CDH22: variants seen among roughly 807,000 people sequenced by gnomAD.
The protein encoded by CDH22 is cadherin-22.
In CDH22, 30 loss-of-function variants were observed where a neutral mutation model predicts 58.4. That is an observed-to-expected ratio of 0.51 (90% CI 0.38 to 0.70). CDH22 has a LOEUF of 0.70. CDH22 is among the 30% of genes least tolerant of loss of function. The pLI is 0.00. For missense variants in CDH22, 1,014 were observed against 1,233.9 expected (o/e 0.82, Z 2.67); for synonymous variants, 513 against 558.2 (o/e 0.92, Z 1.14).
At chr20:46,198,130 T>C (rs1600692022) in intron 8 of CDH22, among the ~76,000 whole-genome samples, 1 of 152,070 alleles carries the variant, frequency 6.6e-6, no homozygotes, top group African/African-American at 2.4e-5. Flanking sequence ...AGTGGCAGTG[T>C]TGCTCTGGGC....
At chr20:46,278,766 G>T (rs1252439295) in intron 1 of CDH22, among the ~76,000 whole-genome samples, 2 of 152,000 alleles carry the variant, frequency 1.3e-5, no homozygotes, top group African/African-American at 4.8e-5. Context: ...AAATTTTGGG[G>T]GGATAGAGAT....
Position 46,174,626 on chromosome 20 carries a change from G to T in CDH22, c.2367C>A (p.His789Gln). The T allele has an allele frequency of 6.5e-7, 1 of 1,548,750 alleles. No individual in the cohort carries two copies. The highest frequency in any genetic ancestry group is 8.7e-7 in the Non-Finnish European group (1 of 1,152,336). Reference protein sequence around the residue: ...DSPAASLSSLHSGSSGSEQDF... With the variant: ...DSPAASLSSLQSGSSGSEQDF... ...CCTGCTCGGAGCCCGACGAGCCGCT[G>T]TGCAGGGAGCTGAGCGAGGCGGCCG... Residue 789 changes from histidine (H) to glutamine (Q), a missense_variant, in exon 12 of 12, where the codon CAC (histidine) becomes CAA (glutamine). Physicochemically the swap from His to Gln is conservative, Grantham distance 24. Around this residue, in one of 2 missense-constraint regions of CDH22, gnomAD observed 208 missense variants for 195.2 expected, o/e 1.07. Coordinates refer to ENST00000537909, the MANE Select transcript of CDH22 (RefSeq NM_021248.3). This position sits in a 1 kb window ranked among gnomAD's most constrained non-coding sequence, Gnocchi z 4.4.
chr20:46,191,635 G>A (rs2085862647), intron 8 of CDH22, among the ~76,000 whole-genome samples: 1 of 152,164 alleles, frequency 6.6e-6, no homozygotes, highest in Non-Finnish European at 1.5e-5. Context: ...TTACTGATGA[G>A]GAAACGGGCT....
intron 2 of CDH22, among the ~76,000 whole-genome samples, chr20:46,244,963 A>G (rs994745928): frequency 2.6e-5 from 4 of 152,232 alleles, no homozygotes; most frequent in Admixed American, 1.3e-4. Context: ...CAACCTGTGC[A>G]TGACCCTGGG....
chr20:46,192,963 T>C (rs1404017796), intron 8 of CDH22, among the ~76,000 whole-genome samples: 1 of 152,040 alleles, frequency 6.6e-6, no homozygotes, highest in Non-Finnish European at 1.5e-5. Context: ...CTCTGTCCCT[T>C]GAAGGGACTT....
At chr20:46,298,787 A>C (rs2086639255) in intron 1 of CDH22, among the ~76,000 whole-genome samples, 1 of 151,966 alleles carries the variant, frequency 6.6e-6, no homozygotes, top group South Asian at 2.1e-4. Flanking sequence ...AATTTGGTTA[A>C]TGGACCCCAG....
At chr20:46,180,926 T>TTGTGTGTGTGTGTGTGTG (rs11471209) in intron 10 of CDH22, among the ~76,000 whole-genome samples, 1 of 142,494 alleles carries the variant, frequency 7.0e-6, no homozygotes, top group African/African-American at 2.6e-5. Context: ...AAAGTTTGTT[T>TTGTGTGTGTGTGTGTGTG]TGTGTGTGTG....
At position 46,210,103 on chromosome 20, in the gene CDH22, T is replaced by G. The variant is rs1220505555; in HGVS notation, c.1286+204A>C. Reference sequence around the variant, plus strand: ...TGGCTCGCCTGCCTGTCTCATTGACTGTTCTCACATCTGCTTCCTTGGCTC... The same window carrying G: ...TGGCTCGCCTGCCTGTCTCATTGACGGTTCTCACATCTGCTTCCTTGGCTC... On this transcript the variant is annotated intron_variant, in intron 7 of 11. Coordinates refer to ENST00000537909, the MANE Select transcript of CDH22 (RefSeq NM_021248.3). The surrounding 1 kb of genome is among the most constrained non-coding windows in gnomAD (Gnocchi z 4.5). 2.1e-6 allele frequency: 1 copy of G among 474,760 alleles called. No homozygotes were observed. The highest frequency in any genetic ancestry group is 2.0e-5 in the African/African-American group (1 of 49,016). 29.4% of individuals were successfully genotyped at this position (474,760 alleles called of 1,614,324 possible).
intron 1 of CDH22, among the ~76,000 whole-genome samples, chr20:46,301,232 C>G (rs967368813): frequency 2.6e-5 from 4 of 151,272 alleles, no homozygotes; most frequent in Admixed American, 1.3e-4. Context: ...CACACACACA[C>G]AGAGAGAGAA....
At chr20:46,254,694 C>T (rs923036772) in intron 1 of CDH22, among the ~76,000 whole-genome samples, 42 of 151,418 alleles carry the variant, frequency 2.8e-4, no homozygotes, top group Admixed American at 2.2e-3. Flanking sequence ...TAAAGAAGGA[C>T]GAAGTGGAGG....
At chr20:46,202,836 T>G (rs1354274463) in intron 7 of CDH22, among the ~76,000 whole-genome samples, 2 of 152,148 alleles carry the variant, frequency 1.3e-5, no homozygotes, top group Non-Finnish European at 2.9e-5. Context: ...GGAGACCTCC[T>G]CCCATTCTAC....
At chr20:46,248,499 C>A (rs575396726) in intron 2 of CDH22, among the ~76,000 whole-genome samples, 11 of 152,304 alleles carry the variant, frequency 7.2e-5, no homozygotes, top group African/African-American at 2.4e-4. Flanking sequence ...GGGTTGACCT[C>A]TTCTCTTTCT....
chr20:46,193,283 T>A (rs2085874952), intron 8 of CDH22, among the ~76,000 whole-genome samples: 1 of 152,118 alleles, frequency 6.6e-6, no homozygotes, highest in Admixed American at 6.5e-5. Context: ...TGGGCCTGAT[T>A]TGCACACCTC....
At chr20:46,233,915 G>A (rs1251170408) in intron 3 of CDH22, among the ~76,000 whole-genome samples, 1 of 152,236 alleles carries the variant, frequency 6.6e-6, no homozygotes, top group East Asian at 1.9e-4. Context: ...TGTCTCTGCA[G>A]AGACCAGCGA....
intron 4 of CDH22, among the ~76,000 whole-genome samples, chr20:46,223,173 T>C (rs1396986303): frequency 1.3e-5 from 2 of 152,144 alleles, no homozygotes; most frequent in African/African-American, 4.8e-5. Flanking sequence ...TCTTGGGAAC[T>C]GTTCTGCTCC....
chr20:46,229,289 GC>G (rs34878778), intron 3 of CDH22, among the ~76,000 whole-genome samples: 44,849 of 138,146 alleles, frequency 0.32, 7,919 homozygotes, highest in African/African-American at 0.5. Context: ...ATGCAGAGTG[GC>G]CCCCCCCCCC....
intron 10 of CDH22, among the ~76,000 whole-genome samples, chr20:46,181,714 T>G (rs2085786107): frequency 8.2e-6 from 1 of 121,488 alleles, no homozygotes; most frequent in Admixed American, 8.7e-5. Flanking sequence ...TTTCTTTCTT[T>G]TTTTCCTTCC....
At chr20:46,178,586 C>CTTTTTTTTTTTTTTTTTTTTTTTTTT (rs33937889) in intron 10 of CDH22, among the ~76,000 whole-genome samples, 7 of 95,376 alleles carry the variant, frequency 7.3e-5, no homozygotes, top group Non-Finnish European at 1.4e-4. Flanking sequence ...CTGGCGTTGT[C>CTTTTTTTTTTTTTTTTTTTTTTTTTT]TTTTTTTTTT....
intron 1 of CDH22, among the ~76,000 whole-genome samples, chr20:46,301,508 T>TAC (rs1266546616): frequency 6.7e-6 from 1 of 148,878 alleles, no homozygotes; most frequent in East Asian, 1.9e-4. Context: ...TAAAAAAATA[T>TAC]ATATATATAT....
Sources: gnomAD v4.1 joint callset for allele counts (sites outside exome capture counted in the v4.1 genomes callset) on GRCh38, gnomAD v4.1.1 for gene constraint, gnomAD v4.1.1 regional missense constraint, Gnocchi (gnomAD v3.1) non-coding constraint, MANE v1.5 for transcripts, NCBI Gene and HGNC (gene_info 2026-07-23, HGNC 2026-07-21) for gene names.